The following UFL1 variants were observed in gnomAD, a reference collection of about 807,000 sequenced individuals.
The protein encoded by UFL1 is E3 UFM1-protein ligase 1.
In UFL1, 78 loss-of-function variants were observed where a neutral mutation model predicts 99.3. The observed-to-expected ratio is 0.79, with a 90% CI of 0.65 to 0.95. UFL1 has a LOEUF of 0.95. UFL1 is among the 40% of genes least tolerant of loss of function. The pLI, the probability that UFL1 is intolerant of heterozygous loss-of-function variation, is 0.00. For synonymous variants in UFL1, 335 were observed against 322.2 expected (o/e 1.04, Z -0.42); for missense variants, 936 against 937.0 (o/e 1.00, Z 0.01).
intron 10 of UFL1, among the ~76,000 whole-genome samples, 175 bp from the exon 11 acceptor site, chr6:96,540,360 G>A (rs1311279178): frequency 6.6e-6 from 1 of 151,436 alleles, no homozygotes; most frequent in Non-Finnish European, 1.5e-5. Flanking sequence ...AGCAAGAGAA[G>A]AGACCTATTT....
intron 5 of UFL1, 105 bp from the exon 6 acceptor site, chr6:96,528,397 A>G (rs1405062776): frequency 2.2e-6 from 3 of 1,340,428 alleles, no homozygotes; most frequent in Admixed American, 2.3e-5. Flanking sequence ...TCTCAATCAC[A>G]TGACTGATAC....
In UFL1 at chr6:96,526,092, AAAAAAG is replaced by A. The variant is rs548628355; in HGVS notation, c.351-212_351-207del. Among the ~76,000 whole-genome samples, 594 of 152,124 alleles carry A rather than the reference AAAAAAG, an allele frequency of 3.9e-3. 2 individuals are homozygous for A. The highest frequency in any genetic ancestry group is 0.013 in the African/African-American group (544 of 41,502). ...CAGAGTGAGACCTTGATGCAAAAAA[AAAAAAG>A]AAAAAGAAAAAGAAAATGTATTGTT... On this transcript the variant is annotated intron_variant, in intron 4 of 18. Transcript: ENST00000369278.
At chr6:96,536,419 ATTTATT>A in intron 8 of UFL1, 29 bp downstream of exon 8, 1 of 1,567,184 alleles carries the variant, frequency 6.4e-7, no homozygotes, top group Non-Finnish European at 8.7e-7. Context: ...TAAAACTAAA[ATTTATT>A]TTTAACACTA....
chr6:96,528,909 T>G (rs896333147), intron 6 of UFL1, among the ~76,000 whole-genome samples: 1 of 152,218 alleles, frequency 6.6e-6, no homozygotes, highest in Non-Finnish European at 1.5e-5. Context: ...TAAATACTGC[T>G]GCCCAGATCA....
At chr6:96,535,665 T>A (rs994287617) in intron 7 of UFL1, among the ~76,000 whole-genome samples, 1 of 152,040 alleles carries the variant, frequency 6.6e-6, no homozygotes, top group East Asian at 1.9e-4. Flanking sequence ...TTAGACTTAG[T>A]CTGACTCCAA....
chr6:96,530,793 G>C (rs535741683), intron 6 of UFL1, among the ~76,000 whole-genome samples: 2 of 152,200 alleles, frequency 1.3e-5, no homozygotes, highest in Admixed American at 1.3e-4. Flanking sequence ...CTTTCTTTTA[G>C]CAGAGTATGG....
chr6:96,523,840 G>A (rs1393124428), intron 2 of UFL1, among the ~76,000 whole-genome samples: 1 of 152,074 alleles, frequency 6.6e-6, no homozygotes, highest in Non-Finnish European at 1.5e-5. Context: ...AATACTATTT[G>A]ATTAAAATAG....
intron 5 of UFL1, 28 bp downstream of exon 5, chr6:96,526,463 G>A (rs752233719): frequency 5.1e-6 from 8 of 1,559,474 alleles, no homozygotes; most frequent in Non-Finnish European, 1.8e-6. Flanking sequence ...AATACAATGT[G>A]TCTTTTTACC....
intron 5 of UFL1, among the ~76,000 whole-genome samples, chr6:96,527,102 C>G (rs908340634): frequency 2.6e-5 from 4 of 152,138 alleles, no homozygotes; most frequent in Admixed American, 6.5e-5. Flanking sequence ...TGCCTGAAAA[C>G]ATAGGCTATT....
intron 16 of UFL1, 48 bp downstream of exon 16, chr6:96,551,561 A>G: frequency 7.8e-7 from 1 of 1,278,866 alleles, no homozygotes; most frequent in Non-Finnish European, 1.1e-6. Context: ...GCAGTTTGTT[A>G]CAAAGATCTT....
intron 18 of UFL1, among the ~76,000 whole-genome samples, chr6:96,553,017 C>T (rs181229305): frequency 4.7e-4 from 71 of 152,134 alleles, no homozygotes; most frequent in African/African-American, 1.6e-3. Context: ...TTCCCTATCC[C>T]TTTGACTGTA....
At position 96,528,530 on chromosome 6, in the gene UFL1, T is replaced by A. The variant is rs767201800; in HGVS notation, c.494T>A (p.Ile165Asn). The A allele has an allele frequency of 3.7e-6, 6 of 1,613,566 alleles. No individual in the cohort carries two copies. The highest frequency in any genetic ancestry group is 5.1e-6 in the Non-Finnish European group (6 of 1,179,736). Residue 165 changes from isoleucine to asparagine, a missense_variant, in exon 6 of 19, where the codon ATC becomes AAC. Ile to Asn is a moderately radical substitution (Grantham distance 149). Transcript: ENST00000369278. ...QALTQRLGRI[I>N]SGHIDLDNRG... The stretch of plus-strand genomic sequence containing the variant: ...CTAACTCAGCGACTTGGTAGAATTA[T>A]CAGTGGACATATTGATCTTGATAAT...
Position 96,537,562 on chromosome 6 carries a change from T to C in UFL1, c.978+13T>C. On this transcript the variant is annotated intron_variant, in intron 9 of 18. Transcript: ENST00000369278. ...GGTTGATATTGCAGTATGTTTTATCTTTTCCTCACTTTTCTTTAAACAGTG... is the reference window on the plus strand; with the variant it reads ...GGTTGATATTGCAGTATGTTTTATCCTTTCCTCACTTTTCTTTAAACAGTG... 6.4e-7 allele frequency: 1 copy of C among 1,551,564 alleles called. No individual in the cohort carries two copies. The highest frequency in any genetic ancestry group is 8.7e-7 in the Non-Finnish European group (1 of 1,155,620).
At chr6:96,546,280 A>G (rs936320087) in intron 12 of UFL1, among the ~76,000 whole-genome samples, 2 of 143,720 alleles carry the variant, frequency 1.4e-5, no homozygotes, top group African/African-American at 5.0e-5. Flanking sequence ...AGCTACAAAA[A>G]AAAAAAAAAC....
chr6:96,527,615 A>G lies in UFL1; in HGVS notation c.466-887A>G, dbSNP rs550527106. ...GTAGTATTTCAGGAGCTGAAATTAT[A>G]TTTTACATGGGCAAACATATGTTAA... is the stretch of plus-strand genomic sequence containing the variant. On this transcript the variant is annotated intron_variant, in intron 5 of 18. Coordinates refer to ENST00000369278, the MANE Select transcript of UFL1 (RefSeq NM_015323.5). Among the ~76,000 whole-genome samples, 8 of 152,254 alleles carry G rather than the reference A, an allele frequency of 5.3e-5. No homozygotes were observed. In the South Asian group the frequency reaches 1.7e-3, roughly 32 times the overall value.
intron 12 of UFL1, among the ~76,000 whole-genome samples, chr6:96,545,416 A>G (rs1165358711): frequency 6.6e-6 from 1 of 150,964 alleles, no homozygotes; most frequent in Non-Finnish European, 1.5e-5. Context: ...AACTTTCCTG[A>G]CTATAGACTT....
In UFL1 at chr6:96,523,156, C is replaced by T. The variant is rs761182385; in HGVS notation, c.88C>T (p.Arg30Trp). ...TTTTCTTTCCCTCAGGTTGTCCGAGCGGAACTGCATTGAGATTGTTAATAA... is the reference window on the plus strand; with the variant it reads ...TTTTCTTTCCCTCAGGTTGTCCGAGTGGAACTGCATTGAGATTGTTAATAA... Reference protein sequence around the residue: ...FAEATQRLSERNCIEIVNKLI... With the variant: ...FAEATQRLSEWNCIEIVNKLI... Residue 30 changes from arginine to tryptophan, a missense_variant, in exon 2 of 19, where the codon CGG becomes TGG. By Grantham distance (101) the Arg-to-Trp change is moderately radical. Coordinates refer to ENST00000369278, the MANE Select transcript of UFL1 (RefSeq NM_015323.5). The T allele has an allele frequency of 5.6e-6, 9 of 1,603,048 alleles. No homozygotes were observed. The South Asian group carries it at 5.7e-5, about 10-fold the overall frequency.
At position 96,551,964 on chromosome 6, in the gene UFL1, G is replaced by A. The variant is rs760614472; in HGVS notation, c.1985+41G>A. On this transcript the variant is annotated intron_variant, in intron 17 of 18. Transcript: ENST00000369278. ...TCTATATTTGGAAATGTTCTTAAAT[G>A]TGGAGCCTTTCATATCTGAAATTTG... The A allele has an allele frequency of 4.2e-6, 6 of 1,427,846 alleles. No homozygotes were observed. In the East Asian group the frequency reaches 1.1e-4, roughly 27 times the overall value. The allele number at this position is 1,427,846 out of a possible 1,614,324, so 88.4% of individuals were successfully genotyped here.
intron 6 of UFL1, among the ~76,000 whole-genome samples, chr6:96,533,034 TAA>T (rs1769803510): frequency 6.6e-6 from 1 of 152,162 alleles, no homozygotes; most frequent in South Asian, 2.1e-4. Flanking sequence ...TACAATATTC[TAA>T]ATAATCAACA....
Sources: allele counts gnomAD v4.1 joint callset (sites outside exome capture counted in the v4.1 genomes callset), GRCh38; gene constraint gnomAD v4.1.1; transcripts MANE v1.5; gene names NCBI Gene and HGNC (gene_info 2026-07-23, HGNC 2026-07-21).